Variants in COL6A6 observed in about 807,000 individuals in gnomAD.
The protein encoded by COL6A6 is collagen alpha-6(VI) chain.
In COL6A6, 183 loss-of-function variants were observed where a neutral mutation model predicts 208.6. The ratio of observed to expected loss-of-function variants is 0.88; its 90% CI spans 0.78 to 0.99. The LOEUF (loss-of-function observed/expected upper bound fraction) is 0.99, where lower values mean the gene tolerates loss of function less well. COL6A6 is among the 50% of genes least tolerant of loss of function. The pLI, the probability that COL6A6 is intolerant of heterozygous loss-of-function variation, is 0.00. For missense variants in COL6A6, 2,816 were observed against 2,815.2 expected, an observed-to-expected ratio of 1.00 and a Z score of -0.01; for synonymous variants, 973 against 1,011.8, an observed-to-expected ratio of 0.96 and a Z score of 0.73.
chr3:130,524,724 T>G (rs929578547), intron 1 of COL6A6, among the ~76,000 whole-genome samples: 2 of 152,226 alleles, frequency 1.3e-5, no homozygotes, highest in Non-Finnish European at 2.9e-5. Context: ...AGGCAATAGA[T>G]GTTCCTATGT....
chr3:130,560,766 T>C (rs2062864547), intron 2 of COL6A6, among the ~76,000 whole-genome samples: 1 of 152,232 alleles, frequency 6.6e-6, no homozygotes, highest in East Asian at 1.9e-4. Context: ...TTCATTTGTG[T>C]CAAAAGGGTA....
rs369335538 is a variant in COL6A6, at chr3:130,662,098, G to C, written c.6292G>C (p.Gly2098Arg). The change falls in exon 35 of 37, where the codon GGG becomes CGG. Residue 2098 changes from glycine to arginine, a missense_variant. Physicochemically the swap from Gly to Arg is moderately radical, Grantham distance 125. Transcript: ENST00000358511. ...ISAGETSHLDGEILKKESLRA... is the reference protein window; with the variant it reads ...ISAGETSHLDREILKKESLRA... Reference sequence around the variant, plus strand: ...TGCTGGGGAAACCAGCCACTTAGATGGGGAAATCTTAAAGAAGGAATCCTT... The same window carrying C: ...TGCTGGGGAAACCAGCCACTTAGATCGGGAAATCTTAAAGAAGGAATCCTT... 1.2e-6 allele frequency: 2 copies of C among 1,613,870 alleles called. No individual in the cohort carries two copies. The highest frequency in any genetic ancestry group is 2.7e-5 in the African/African-American group (2 of 74,904).
chr3:130,564,992 A>C lies in COL6A6; in HGVS notation c.662-2A>C. ...TGTGCTTGTTTATTTCTTGCCACAC[A>C]GCTTGCCAAGGCCCTTCTATGGCCG... On this transcript the variant is annotated splice_acceptor_variant, in intron 3 of 36. Transcript: ENST00000358511. LOFTEE classifies it high-confidence loss of function. 1 of 1,611,094 alleles carries C rather than the reference A, an allele frequency of 6.2e-7. No homozygotes were observed. Among genetic ancestry groups the C allele is most frequent in the Non-Finnish European group, 8.5e-7 (1 of 1,178,058 alleles).
At chr3:130,528,907 C>T (rs1307811684) in intron 1 of COL6A6, among the ~76,000 whole-genome samples, 7 of 152,132 alleles carry the variant, frequency 4.6e-5, no homozygotes, top group Admixed American at 3.3e-4. Context: ...CTGGCTGACA[C>T]GTTGCATAAC....
rs368065855 is a variant in COL6A6, at chr3:130,593,200, G to A, written c.4418G>A (p.Gly1473Asp). The A allele has an allele frequency of 1.2e-6, 2 of 1,613,052 alleles. No individual in the cohort carries two copies. The highest frequency in any genetic ancestry group is 4.5e-5 in the East Asian group (2 of 44,880). Residue 1473 changes from glycine to aspartate, a missense_variant and splice_region_variant, in exon 17 of 37, where the codon GGT becomes GAT. Gly to Asp is a moderately conservative substitution (Grantham distance 94, BLOSUM62 -1). Coordinates refer to ENST00000358511, the MANE Select transcript of COL6A6 (RefSeq NM_001102608.3). ...NGIDGLNGEQ[G>D]DNGLPGRKGE... ...TAGCTTTCCCTTCTTGTTTTTTAGGGTGATAATGGTCTTCCTGGAAGAAAA... is the reference window on the plus strand; with the variant it reads ...TAGCTTTCCCTTCTTGTTTTTTAGGATGATAATGGTCTTCCTGGAAGAAAA...
intron 2 of COL6A6, among the ~76,000 whole-genome samples, chr3:130,561,234 A>T (rs1469716171): frequency 1.3e-5 from 2 of 152,208 alleles, no homozygotes; most frequent in Admixed American, 1.3e-4. Context: ...TTCATTCATG[A>T]ATAGAAAGTC....
chr3:130,644,348 A>T (rs905033610), intron 31 of COL6A6, among the ~76,000 whole-genome samples: 7 of 152,308 alleles, frequency 4.6e-5, no homozygotes, highest in South Asian at 4.1e-4. Context: ...CACAAGACAC[A>T]TGTGGCTTTG....
intron 1 of COL6A6, among the ~76,000 whole-genome samples, chr3:130,536,834 T>C (rs138258715): frequency 2.5e-3 from 384 of 152,348 alleles, no homozygotes; most frequent in African/African-American, 8.7e-3. Flanking sequence ...TGAAGCACAC[T>C]TGAATAATAT....
intron 31 of COL6A6, among the ~76,000 whole-genome samples, chr3:130,643,947 T>C (rs370150843): frequency 1.3e-5 from 2 of 152,214 alleles, no homozygotes; most frequent in Admixed American, 6.5e-5. Context: ...CATTGAGTCA[T>C]GAAGATGGGT....
chr3:130,586,077 C>T lies in COL6A6; in HGVS notation c.3971-429C>T, dbSNP rs146031156. 9.0e-3 allele frequency among the ~76,000 whole-genome samples: 1,374 copies of T among 152,324 alleles called. 15 individuals carry two copies. The highest frequency in any genetic ancestry group is 0.014 in the Non-Finnish European group (984 of 68,028). Reference sequence around the variant, plus strand: ...TTAAGCGATCCTCCCACTTCAGCCTCCCATGTAGCTGGGACCACAGGCATA... The same window carrying T: ...TTAAGCGATCCTCCCACTTCAGCCTTCCATGTAGCTGGGACCACAGGCATA... On this transcript the variant is annotated intron_variant, in intron 10 of 36. Coordinates refer to ENST00000358511, the MANE Select transcript of COL6A6 (RefSeq NM_001102608.3).
chr3:130,576,932 TA>T (rs1489279646), intron 8 of COL6A6, among the ~76,000 whole-genome samples: 6 of 152,214 alleles, frequency 3.9e-5, no homozygotes, highest in African/African-American at 1.4e-4. Flanking sequence ...CTTATTAAAA[TA>T]TGCATAACTT....
chr3:130,551,761 T>G (rs1417761073), intron 1 of COL6A6, among the ~76,000 whole-genome samples: 1 of 152,108 alleles, frequency 6.6e-6, no homozygotes, highest in Non-Finnish European at 1.5e-5. Context: ...GATTGTTAAT[T>G]TGAGATATTT....
intron 23 of COL6A6, among the ~76,000 whole-genome samples, chr3:130,619,871 G>A (rs1157899121): frequency 6.6e-6 from 1 of 152,146 alleles, no homozygotes; most frequent in African/African-American, 2.4e-5. Context: ...GAGACTGGAA[G>A]CATGATTTAG....
Position 130,566,986 on chromosome 3 carries a change from C to G in COL6A6, c.1567C>G (p.Leu523Val). 6.2e-7 allele frequency: 1 copy of G among 1,614,034 alleles called. No homozygotes were observed. Among genetic ancestry groups the G allele is most frequent in the Non-Finnish European group, 8.5e-7 (1 of 1,179,896 alleles). Residue 523 changes from leucine to valine, a missense_variant, in exon 5 of 37, where the codon CTG (leucine) becomes GTG (valine). Coordinates refer to ENST00000358511, the MANE Select transcript of COL6A6 (RefSeq NM_001102608.3). ...CACAGGCGCAGCACTGAATTTCACA[C>G]TGAGTCTGTTGCAAAAAGCAAAGAA... ...TNTGAALNFT[L>V]SLLQKAKKQR...
chr3:130,529,724 G>A (rs1226683899), intron 1 of COL6A6, among the ~76,000 whole-genome samples: 1 of 152,186 alleles, frequency 6.6e-6, no homozygotes, highest in African/African-American at 2.4e-5. Context: ...GGGAGCACCT[G>A]TAGTCCTTAG....
intron 1 of COL6A6, among the ~76,000 whole-genome samples, chr3:130,523,519 A>G (rs962318848): frequency 6.6e-6 from 1 of 152,164 alleles, no homozygotes; most frequent in African/African-American, 2.4e-5. Flanking sequence ...TTTCTCATCA[A>G]AGTGGAAACA....
chr3:130,559,958 T>A (rs2062844180), intron 1 of COL6A6, among the ~76,000 whole-genome samples: 1 of 152,134 alleles, frequency 6.6e-6, no homozygotes, highest in African/African-American at 2.4e-5. Context: ...ATGAAATAGG[T>A]CTTGGGGTGT....
intron 1 of COL6A6, among the ~76,000 whole-genome samples, chr3:130,522,905 A>G (rs1711157136): frequency 6.6e-6 from 1 of 150,912 alleles, no homozygotes; most frequent in Admixed American, 6.7e-5. Context: ...CCGGCCTCCT[A>G]GTGCCCCTCC....
chr3:130,586,521 T>C lies in COL6A6; in HGVS notation c.3986T>C (p.Ile1329Thr), dbSNP rs759361178. Residue 1329 changes from isoleucine to threonine, a missense_variant, in exon 11 of 37, where the codon ATA becomes ACA. By Grantham distance (89) the Ile-to-Thr change is moderately conservative. Coordinates refer to ENST00000358511, the MANE Select transcript of COL6A6 (RefSeq NM_001102608.3). The stretch of plus-strand genomic sequence containing the variant: ...TGTTGGATAGGCCTGAATGCCCTCA[T>C]AACTGTTGCTCTGGATGGACCTGCT... ...ELRKEGLNAL[I>T]TVALDGPADS... 1.2e-6 allele frequency: 2 copies of C among 1,613,298 alleles called. No individual in the cohort carries two copies. Among genetic ancestry groups the C allele is most frequent in the Non-Finnish European group, 1.7e-6 (2 of 1,179,652 alleles).
Sources: allele counts gnomAD v4.1 joint callset (sites outside exome capture counted in the v4.1 genomes callset), GRCh38; gene constraint gnomAD v4.1.1; transcripts MANE v1.5; gene names NCBI Gene and HGNC (gene_info 2026-07-23, HGNC 2026-07-21).